Variants in SPAG16 observed in about 807,000 individuals in gnomAD.
SPAG16 encodes sperm-associated antigen 16 protein.
In SPAG16, 86 loss-of-function variants were observed where a neutral mutation model predicts 80.4. The observed-to-expected ratio is 1.07, with a 90% CI of 0.90 to 1.28. The LOEUF is 1.28. SPAG16 is among the 50% of genes most tolerant of loss of function. SPAG16 has a pLI of 0.00. For synonymous variants in SPAG16, 294 were observed against 265.9 expected (o/e 1.11, Z -1.03); for missense variants, 870 against 765.3 (o/e 1.14, Z -1.61).
intron 13 of SPAG16, among the ~76,000 whole-genome samples, chr2:214,016,985 G>C (rs372478302): frequency 2.0e-5 from 3 of 152,122 alleles, no homozygotes; most frequent in East Asian, 3.9e-4. Context: ...AGTTCAGTAT[G>C]TGAAGCCCTG....
intron 10 of SPAG16, among the ~76,000 whole-genome samples, chr2:213,548,701 G>T (rs2076693716): frequency 6.6e-6 from 1 of 151,864 alleles, no homozygotes; most frequent in Non-Finnish European, 1.5e-5. Context: ...TTTTGATGTG[G>T]TTATTTCAGT....
At chr2:214,289,942 T>A (rs1693668678) in intron 15 of SPAG16, among the ~76,000 whole-genome samples, 1 of 152,154 alleles carries the variant, frequency 6.6e-6, no homozygotes, top group South Asian at 2.1e-4. Context: ...ATAGAATGAT[T>A]TAGGGAGAGT....
At chr2:214,280,991 G>T in intron 15 of SPAG16, 1 of 442,676 alleles carries the variant, frequency 2.3e-6, no homozygotes, top group Non-Finnish European at 4.4e-6. Context: ...GAATCGTTTG[G>T]TACTGTAAGG....
At chr2:214,361,073 T>C (rs1177069978) in intron 15 of SPAG16, among the ~76,000 whole-genome samples, 3 of 151,796 alleles carry the variant, frequency 2.0e-5, no homozygotes, top group African/African-American at 7.3e-5. Flanking sequence ...GAGAAGGGAT[T>C]CACAACTGAA....
chr2:214,211,457 G>C (rs1346521922), intron 15 of SPAG16, among the ~76,000 whole-genome samples: 1 of 152,214 alleles, frequency 6.6e-6, no homozygotes, highest in African/African-American at 2.4e-5. Flanking sequence ...AATAATGTGA[G>C]TGAGTGATCC....
chr2:213,313,078 C>T (rs1260113388), intron 4 of SPAG16, among the ~76,000 whole-genome samples: 1 of 151,778 alleles, frequency 6.6e-6, no homozygotes, highest in Non-Finnish European at 1.5e-5. Context: ...TTATATGTCC[C>T]ATAAGAATAT....
chr2:214,165,224 CTA>C (rs1354088002), intron 15 of SPAG16, among the ~76,000 whole-genome samples: 1 of 151,924 alleles, frequency 6.6e-6, no homozygotes, highest in Non-Finnish European at 1.5e-5. Flanking sequence ...AGGGGGAAAA[CTA>C]TTATATCAGT....
At chr2:214,343,379 ATTATT>A (rs1697837516) in intron 15 of SPAG16, among the ~76,000 whole-genome samples, 1 of 152,154 alleles carries the variant, frequency 6.6e-6, no homozygotes, top group African/African-American at 2.4e-5. Flanking sequence ...ATCTTTCTAT[ATTATT>A]TTATTTTTAA....
At chr2:213,734,508 C>T (rs1163102939) in intron 10 of SPAG16, among the ~76,000 whole-genome samples, 2 of 152,084 alleles carry the variant, frequency 1.3e-5, no homozygotes, top group East Asian at 3.8e-4. Context: ...TGGACATGCT[C>T]TTTGAAAAAA....
intron 13 of SPAG16, among the ~76,000 whole-genome samples, chr2:214,023,319 A>C (rs1312216928): frequency 1.3e-5 from 2 of 151,792 alleles, no homozygotes; most frequent in African/African-American, 4.8e-5. Flanking sequence ...CTGATTTTCC[A>C]CCAAAATGAC....
chr2:213,601,741 ATACT>A (rs1226967398), intron 10 of SPAG16, among the ~76,000 whole-genome samples: 4 of 152,232 alleles, frequency 2.6e-5, no homozygotes, highest in Admixed American at 6.5e-5. Context: ...AGATACATAA[ATACT>A]TACCATTGTG....
intron 10 of SPAG16, among the ~76,000 whole-genome samples, chr2:213,828,032 T>C (rs1286756651): frequency 6.6e-6 from 1 of 152,142 alleles, no homozygotes; most frequent in Non-Finnish European, 1.5e-5. Flanking sequence ...AACTTTCTTG[T>C]TCTTGAATAT....
chr2:214,400,237 T>C (rs951691471), intron 15 of SPAG16, among the ~76,000 whole-genome samples: 1 of 151,974 alleles, frequency 6.6e-6, no homozygotes, highest in African/African-American at 2.4e-5. Flanking sequence ...TCACATGCTA[T>C]AGTTTAGGAA....
intron 13 of SPAG16, among the ~76,000 whole-genome samples, chr2:214,066,683 A>C (rs980283075): frequency 6.6e-6 from 1 of 152,166 alleles, no homozygotes; most frequent in South Asian, 2.1e-4. Flanking sequence ...CAATAAACTC[A>C]AAAACTACAA....
At chr2:213,322,647 A>T (rs1012810772) in intron 5 of SPAG16, among the ~76,000 whole-genome samples, 1 of 152,122 alleles carries the variant, frequency 6.6e-6, no homozygotes, top group African/African-American at 2.4e-5. Flanking sequence ...GTACATTAGG[A>T]TAACTATTGA....
chr2:214,255,546 C>T (rs1465985298), intron 15 of SPAG16, among the ~76,000 whole-genome samples: 1 of 151,934 alleles, frequency 6.6e-6, no homozygotes, highest in Non-Finnish European at 1.5e-5. Context: ...AACACTTCCA[C>T]ACATATTATT....
intron 12 of SPAG16, among the ~76,000 whole-genome samples, chr2:213,950,723 T>TCC (rs1553678402): frequency 7.8e-6 from 1 of 128,914 alleles, no homozygotes; most frequent in African/African-American, 3.0e-5. Context: ...TTTTTTTTTT[T>TCC]CCCTCAAGAC....
chr2:214,224,859 C>A (rs1008187971), intron 15 of SPAG16, among the ~76,000 whole-genome samples: 5 of 152,104 alleles, frequency 3.3e-5, no homozygotes, highest in African/African-American at 1.2e-4. Context: ...TGTCCCTGAC[C>A]TCATAGGGCT....
At chr2:213,873,049 G>A (rs1456210383) in intron 11 of SPAG16, among the ~76,000 whole-genome samples, 1 of 151,924 alleles carries the variant, frequency 6.6e-6, no homozygotes, top group South Asian at 2.1e-4. Flanking sequence ...TTCAGGTTTT[G>A]GTATTAGAAC....
Sources: allele counts gnomAD v4.1 joint callset (sites outside exome capture counted in the v4.1 genomes callset), GRCh38; gene constraint gnomAD v4.1.1; transcripts MANE v1.5; gene names NCBI Gene and HGNC (gene_info 2026-07-23, HGNC 2026-07-21).